ZNF568: variants seen among roughly 807,000 people sequenced by gnomAD.
The protein encoded by ZNF568 is p53 inhibitor of SCO2 activation.
In ZNF568, 11 loss-of-function variants were observed where a neutral mutation model predicts 18.1. The ratio of observed to expected loss-of-function variants is 0.61; its 90% CI spans 0.38 to 1.00. ZNF568 has a LOEUF of 1.00. Ranked by LOEUF, ZNF568 falls within the 50% of genes least tolerant of loss-of-function variation. The probability of loss-of-function intolerance (pLI) is 0.01; values close to 1 mark genes in which losing one functional copy is unlikely to be tolerated. For synonymous variants in ZNF568, 213 were observed against 246.6 expected, an observed-to-expected ratio of 0.86 and a Z score of 1.28; for missense variants, 639 against 768.2, an observed-to-expected ratio of 0.83 and a Z score of 1.99.
At chr19:36,975,770 G>C (rs1017477904) in intron 7 of ZNF568, among the ~76,000 whole-genome samples, 4 of 131,164 alleles carry the variant, frequency 3.0e-5, no homozygotes, top group Non-Finnish European at 4.7e-5. Flanking sequence ...ATCTGAGCTC[G>C]CTGCAACCTC....
rs1028822112 is a variant in ZNF568, at chr19:36,935,289, C to T, written c.136-1457C>T. Among the ~76,000 whole-genome samples, 15 of 151,926 alleles carry T rather than the reference C, an allele frequency of 9.9e-5. 1 individual carries two copies. The highest frequency in any genetic ancestry group is 9.2e-4 in the Admixed American group (14 of 15,228). ...TTAAAAGTGGTGTTTGGGCTGGGTT[C>T]GGGGGCTCACGTCTGTAATCCCAGC... On this transcript the variant is annotated intron_variant, in intron 4 of 6. Transcript: ENST00000333987.
Position 36,950,017 on chromosome 19 carries a change from TCAGATGTCAAACCTTATTAGACACCA to T in ZNF568, c.869_894del (p.Met290AsnfsTer11). On this transcript the variant is annotated frameshift_variant, in exon 7 of 7. Transcript: ENST00000333987. LOFTEE classifies it low-confidence loss of function (END_TRUNC). ...GTAATGAATGTGGAAAAGCTTTCAT[TCAGATGTCAAACCTTATTAGACACCA>T]CAGAATTCATACTGGGGAGAAACCT... is the stretch of plus-strand genomic sequence containing the variant. 6.2e-7 allele frequency: 1 copy of T among 1,613,948 alleles called. No homozygotes were observed. Among genetic ancestry groups the T allele is most frequent in the Non-Finnish European group, 8.5e-7 (1 of 1,179,936 alleles).
chr19:36,974,084 A>C (rs2074260417), intron 6 of ZNF568, among the ~76,000 whole-genome samples: 1 of 152,116 alleles, frequency 6.6e-6, no homozygotes, highest in South Asian at 2.1e-4. Flanking sequence ...CCCCAGCCTA[A>C]AGGACAGCAG....
In ZNF568 at chr19:36,952,511, G is replaced by A. The variant is rs2074074788; in HGVS notation, c.*1423G>A. 1 of 152,206 alleles carries A rather than the reference G, an allele frequency of 6.6e-6. No individual in the cohort carries two copies. Among genetic ancestry groups the A allele is most frequent in the African/African-American group, 2.4e-5 (1 of 41,414 alleles). 9.4% of individuals were successfully genotyped at this position (152,206 alleles called of 1,614,324 possible). On this transcript the variant is annotated 3_prime_UTR_variant, in exon 7 of 7. Transcript: ENST00000333987. ...TAATAATATTTATGTAAATTGGAAT[G>A]AAATCATTTATAAAGAACAACTGTT...
chr19:36,978,982 CTTT>C (rs750326116), intron 7 of ZNF568: 1,202 of 258,952 alleles, frequency 4.6e-3, no homozygotes, highest in South Asian at 8.0e-3. Context: ...TTGTAACTAT[CTTT>C]TTTTTTTTTT....
chr19:36,921,172 T>A (rs2073447783), intron 2 of ZNF568, among the ~76,000 whole-genome samples: 1 of 152,160 alleles, frequency 6.6e-6, no homozygotes, highest in South Asian at 2.1e-4. Flanking sequence ...TAGAAAGTGA[T>A]CACTGTCGGC....
At chr19:36,982,400 C>T (rs561970516), downstream of ZNF568, among the ~76,000 whole-genome samples, 26 of 152,180 alleles carry the variant, frequency 1.7e-4, no homozygotes, top group African/African-American at 5.5e-4. Context: ...GCCTTTTCTG[C>T]ATCCATTGAA....
At chr19:36,979,498 A>G (rs1248556245) in exon 8 of ZNF568, 2 of 152,050 alleles carry the variant, frequency 1.3e-5, no homozygotes, top group Non-Finnish European at 1.5e-5. Context: ...GTTTTTCTTT[A>G]CAGTCTTAAC....
At chr19:36,919,708 G>C (rs187568586) in intron 2 of ZNF568, among the ~76,000 whole-genome samples, 1 of 152,204 alleles carries the variant, frequency 6.6e-6, no homozygotes, top group East Asian at 1.9e-4. Flanking sequence ...ACGTGGCCCA[G>C]GGGTTGAGGA....
intron 4 of ZNF568, among the ~76,000 whole-genome samples, chr19:36,932,580 G>A (rs893888006): frequency 6.6e-6 from 1 of 151,878 alleles, no homozygotes; most frequent in East Asian, 1.9e-4. Context: ...CAACAAGAGC[G>A]AAACTCCGTC....
At chr19:36,985,779 TC>T (rs987175797) in intron 2 of ZNF568, among the ~76,000 whole-genome samples, 7 of 152,318 alleles carry the variant, frequency 4.6e-5, no homozygotes, top group Non-Finnish European at 8.8e-5. Context: ...CACTTTGGCC[TC>T]CCAAAGTTCT....
At chr19:36,953,536 C>A (rs991068251), downstream of ZNF568, among the ~76,000 whole-genome samples, 2 of 152,018 alleles carry the variant, frequency 1.3e-5, no homozygotes, top group Non-Finnish European at 2.9e-5. Context: ...ATGAACCAAC[C>A]CTTACAGAGG....
chr19:36,991,726 C>T (rs1440298511), intron 3 of ZNF568: 1 of 1,535,520 alleles, frequency 6.5e-7, no homozygotes, highest in East Asian at 2.3e-5. Flanking sequence ...CACAACAAAA[C>T]CTTGTTCCCT....
intron 2 of ZNF568, among the ~76,000 whole-genome samples, chr19:36,918,105 C>G (rs1032584461): frequency 1.8e-4 from 27 of 152,240 alleles, no homozygotes; most frequent in South Asian, 1.2e-3. Context: ...CGCCACCACG[C>G]CCGGCTGATT....
intron 3 of ZNF568, among the ~76,000 whole-genome samples, chr19:36,924,968 G>A (rs902814550): frequency 6.6e-6 from 1 of 152,064 alleles, no homozygotes; most frequent in Non-Finnish European, 1.5e-5. Context: ...ATTGCCAATA[G>A]ATTCATTGGG....
intron 4 of ZNF568, 59 bp downstream of exon 4, chr19:36,925,317 T>TA: frequency 1.4e-6 from 2 of 1,422,294 alleles, no homozygotes; most frequent in Non-Finnish European, 2.0e-6. Context: ...TACGGTGGGT[T>TA]CTTGTAACCT....
chr19:36,969,612 T>C lies in ZNF568; in HGVS notation c.359-4808T>C, dbSNP rs143381570. Among the ~76,000 whole-genome samples, 876 of 152,032 alleles carry C rather than the reference T, an allele frequency of 5.8e-3. 7 individuals carry two copies. The highest frequency in any genetic ancestry group is 0.021 in the Middle Eastern group (6 of 292). ...ATCTATTTCCTTGTCTTTTCCAGCT[T>C]CTAGAAGCTGCCTGCGTTCTTTTGC... On this transcript the variant is annotated intron_variant, in intron 6 of 7. Transcript: ENST00000427117.
chr19:36,972,687 C>A (rs2074245671), intron 6 of ZNF568, among the ~76,000 whole-genome samples: 1 of 152,232 alleles, frequency 6.6e-6, no homozygotes. Flanking sequence ...TAATTCGTGG[C>A]GTGGCCGGGA....
downstream of ZNF568, among the ~76,000 whole-genome samples, chr19:36,984,208 G>C (rs1303926920): frequency 1.3e-5 from 2 of 152,010 alleles, no homozygotes; most frequent in Non-Finnish European, 2.9e-5. Context: ...GACCAGCTTT[G>C]TTCTTTAACG....
Sources: allele counts gnomAD v4.1 joint callset (sites outside exome capture counted in the v4.1 genomes callset), GRCh38; gene constraint gnomAD v4.1.1; transcripts MANE v1.5; gene names NCBI Gene and HGNC (gene_info 2026-07-23, HGNC 2026-07-21).